Variants in ZNF561 observed in about 807,000 individuals in gnomAD.
ZNF561 encodes the protein zinc finger protein 561.
Under a neutral mutation model 16.7 loss-of-function variants are expected in ZNF561, and 16 were observed. The observed-to-expected ratio is 0.96, with a 90% CI of 0.65 to 1.45. ZNF561 has a LOEUF of 1.45. Ranked by LOEUF, ZNF561 falls within the 40% of genes most tolerant of loss-of-function variation. The pLI, the probability that ZNF561 is intolerant of heterozygous loss-of-function variation, is 0.00. For synonymous variants in ZNF561, 190 were observed against 192.1 expected (o/e 0.99, Z 0.09); for missense variants, 580 against 578.0 (o/e 1.00, Z -0.04).
At chr19:9,615,939 T>C (rs2144892410) in intron 4 of ZNF561, among the ~76,000 whole-genome samples, 1 of 152,100 alleles carries the variant, frequency 6.6e-6, no homozygotes, top group Admixed American at 6.5e-5. Flanking sequence ...ATGCTTGCTG[T>C]CATGGGTAAA....
rs935550015 is a variant in ZNF561 at position 9,609,618 on chromosome 19, T to C, written c.*582A>G. 6 of 152,762 alleles carry C rather than the reference T, an allele frequency of 3.9e-5. No homozygotes were observed. The highest frequency in any genetic ancestry group is 1.9e-4 in the East Asian group (1 of 5,184). 9.5% of individuals were successfully genotyped at this position (152,762 alleles called of 1,614,324 possible). A position where few individuals can be genotyped will look rare whatever the true frequency, so the allele number is the denominator to read the frequency against. ...AGACTGGATTATACTAGAAGAGACA[T>C]TGCCACTTACATTGTGCCATCTAAA... On this transcript the variant is annotated 3_prime_UTR_variant, in exon 6 of 6. Coordinates refer to ENST00000302851, the MANE Select transcript of ZNF561 (RefSeq NM_152289.3).
intron 3 of ZNF561, chr19:9,617,588 C>T: frequency 4.5e-6 from 2 of 444,262 alleles, no homozygotes; most frequent in Non-Finnish European, 9.1e-6. Context: ...ATTACTACAG[C>T]TTCGATCTCC....
rs373311970 is a variant in ZNF561 at position 9,611,207 on chromosome 19, C to T, written c.454G>A (p.Gly152Arg). 137 of 1,613,776 alleles carry T rather than the reference C, an allele frequency of 8.5e-5. No individual in the cohort carries two copies. Among genetic ancestry groups the T allele is most frequent in the Non-Finnish European group, 1.1e-4 (128 of 1,179,872 alleles). Reference sequence around the variant, plus strand: ...TTGTGCACACTGAGGGTGTCTTTTCCATAACAATTACCCTCAGAAGTATTC... The same window carrying T: ...TTGTGCACACTGAGGGTGTCTTTTCTATAACAATTACCCTCAGAAGTATTC... ...GGNTSEGNCY[G>R]KDTLSVHKEA... is the part of the protein sequence containing the mutation. The change falls in exon 6 of 6, where the codon GGA becomes AGA. Residue 152 changes from glycine to arginine, a missense_variant. Coordinates refer to ENST00000302851, the MANE Select transcript of ZNF561 (RefSeq NM_152289.3).
intron 5 of ZNF561, among the ~76,000 whole-genome samples, chr19:9,612,061 G>C (rs931411098): frequency 6.6e-6 from 1 of 152,122 alleles, no homozygotes; most frequent in Non-Finnish European, 1.5e-5. Context: ...CTGAGTAGCT[G>C]GGATTACAGG....
At chr19:9,613,960 G>C in intron 5 of ZNF561, 61 bp downstream of exon 5, 1 of 1,591,378 alleles carries the variant, frequency 6.3e-7, no homozygotes, top group Admixed American at 1.7e-5. Context: ...TGATTTTCTA[G>C]AATGGAATTC....
chr19:9,611,230 T>A lies in ZNF561; in HGVS notation c.431A>T (p.Asn144Ile). ...TCCATAACAATTACCCTCAGAAGTA[T>A]TCCCTCCATTCTGAACTCTCATGTG... is the stretch of plus-strand genomic sequence containing the variant. ...KTHMRVQNGG[N>I]TSEGNCYGKD... The change falls in exon 6 of 6, where the codon AAT becomes ATT. Residue 144 changes from asparagine to isoleucine, a missense_variant. By Grantham distance (149) the Asn-to-Ile change is moderately radical. Coordinates refer to ENST00000302851, the MANE Select transcript of ZNF561 (RefSeq NM_152289.3). 1.2e-6 allele frequency: 2 copies of A among 1,613,984 alleles called. No individual in the cohort carries two copies. The highest frequency in any genetic ancestry group is 1.7e-4 in the Middle Eastern group (1 of 6,060).
At position 9,609,641 on chromosome 19, in the gene ZNF561, A is replaced by C. The variant is rs1342165765; in HGVS notation, c.*559T>G. On this transcript the variant is annotated 3_prime_UTR_variant, in exon 6 of 6. Transcript: ENST00000302851. ...CATTGCCACTTACATTGTGCCATCT[A>C]AAATAGACATACAAGGCAGAACAGG... is the stretch of plus-strand genomic sequence containing the variant. 1.3e-5 allele frequency: 2 copies of C among 153,246 alleles called. No individual in the cohort carries two copies. Among genetic ancestry groups the C allele is most frequent in the East Asian group, 3.8e-4 (2 of 5,198 alleles). The allele number at this position is 153,246 out of a possible 1,614,324, so 9.5% of individuals were successfully genotyped here.
In ZNF561 at chr19:9,610,615, T is replaced by C. The variant is rs772609964; in HGVS notation, c.1046A>G (p.Tyr349Cys). The C allele has an allele frequency of 5.0e-6, 8 of 1,613,766 alleles. No homozygotes were observed. In the African/African-American group the frequency reaches 9.3e-5, roughly 19 times the overall value. The change falls in exon 6 of 6, where the codon TAC becomes TGC. Residue 349 changes from tyrosine to cysteine, a missense_variant. Coordinates refer to ENST00000302851, the MANE Select transcript of ZNF561 (RefSeq NM_152289.3). ...TCGTATGTGTATAGAAAGGCCCGAG[T>C]ACTGAGCAAAGGCTTGGCCACATTC... Reference protein sequence around the residue: ...CKECGQAFAQYSGLSIHIRSH... With the variant: ...CKECGQAFAQCSGLSIHIRSH...
rs1400753021 is a variant in ZNF561 at position 9,609,152 on chromosome 19, C to T, written c.*1048G>A. ...TTGCAGATAACAAGCCAGAGCCTGT[C>T]CCTTTCTTTCTTGTAAGGAATACTT... On this transcript the variant is annotated 3_prime_UTR_variant, in exon 6 of 6. Coordinates refer to ENST00000302851, the MANE Select transcript of ZNF561 (RefSeq NM_152289.3). The T allele has an allele frequency of 6.6e-6, 1 of 152,176 alleles. No individual in the cohort carries two copies. The highest frequency in any genetic ancestry group is 2.4e-5 in the African/African-American group (1 of 41,438). 9.4% of individuals were successfully genotyped at this position (152,176 alleles called of 1,614,324 possible).
chr19:9,612,783 T>G (rs1190056130), intron 5 of ZNF561, among the ~76,000 whole-genome samples: 1 of 152,130 alleles, frequency 6.6e-6, no homozygotes, highest in Non-Finnish European at 1.5e-5. Context: ...AAGAAAACTG[T>G]AGGGTTTTTT....
Position 9,614,095 on chromosome 19 carries a change from T to C in ZNF561, c.250A>G (p.Ile84Val), listed in dbSNP as rs368258660. ...GATGACCGTTTGGTTCTAGGTTGTATTTCCCATTCTAAAGTTAAGCAGAAA... is the reference window on the plus strand; with the variant it reads ...GATGACCGTTTGGTTCTAGGTTGTACTTCCCATTCTAAAGTTAAGCAGAAA... ...YMNLASVEWE[I>V]QPRTKRSSLQ... Residue 84 changes from isoleucine to valine, a missense_variant, in exon 5 of 6, where the codon ATA (isoleucine) becomes GTA (valine). By Grantham distance (29) the Ile-to-Val change is conservative. Transcript: ENST00000302851. 1.2e-6 allele frequency: 2 copies of C among 1,614,116 alleles called. No individual in the cohort carries two copies. The highest frequency in any genetic ancestry group is 1.7e-6 in the Non-Finnish European group (2 of 1,179,978).
intron 1 of ZNF561, among the ~76,000 whole-genome samples, chr19:9,619,843 CTATCTA>C (rs1427479535): frequency 1.3e-5 from 2 of 150,272 alleles, no homozygotes; most frequent in African/African-American, 5.0e-5. Flanking sequence ...TTACCTCTAT[CTATCTA>C]TATCTATCTA....
chr19:9,617,792 A>T (rs1031065545), intron 3 of ZNF561: 4 of 479,854 alleles, frequency 8.3e-6, no homozygotes, highest in Admixed American at 6.9e-5. Flanking sequence ...GATTTGATAA[A>T]AGGACACTTT....
rs1006380120 is a variant in ZNF561, at chr19:9,608,383, C to T, written c.*1817G>A. ...GGGCATTTACATACCAGGAAGAGAGCTCTCGCCAGAAGTTGACCATGCTGG... is the reference window on the plus strand; with the variant it reads ...GGGCATTTACATACCAGGAAGAGAGTTCTCGCCAGAAGTTGACCATGCTGG... On this transcript the variant is annotated 3_prime_UTR_variant, in exon 6 of 6. Coordinates refer to ENST00000302851, the MANE Select transcript of ZNF561 (RefSeq NM_152289.3). The T allele has an allele frequency of 6.6e-6, 1 of 152,068 alleles. No individual in the cohort carries two copies. The highest frequency in any genetic ancestry group is 2.4e-5 in the African/African-American group (1 of 41,400). 9.4% of individuals were successfully genotyped at this position (152,068 alleles called of 1,614,324 possible).
In ZNF561 at chr19:9,611,144, G is replaced by A; in HGVS notation, c.517C>T (p.Pro173Ser). 1.9e-6 allele frequency: 3 copies of A among 1,614,008 alleles called. No individual in the cohort carries two copies. The highest frequency in any genetic ancestry group is 1.1e-5 in the South Asian group (1 of 91,078). Reference protein sequence around the residue: ...STGQELSKFNPCGKVFTLTPG... With the variant: ...STGQELSKFNSCGKVFTLTPG... Reference sequence around the variant, plus strand: ...GTTAGAGTAAAGACTTTTCCACATGGATTAAATTTGGAAAGTTCCTGTCCA... The same window carrying A: ...GTTAGAGTAAAGACTTTTCCACATGAATTAAATTTGGAAAGTTCCTGTCCA... The change falls in exon 6 of 6, where the codon CCA becomes TCA. Residue 173 changes from proline to serine, a missense_variant. By Grantham distance (74) the Pro-to-Ser change is moderately conservative (BLOSUM62 -1). Transcript: ENST00000302851.
rs2074484420 is a variant in ZNF561 at position 9,612,772 on chromosome 19, A to ATTGTTC, written c.324+1248_324+1249insGAACAA. ...CGCCACTGGCTCTAATTGTTCAAAA[A>ATTGTTC]AAGAAAACTGTAGGGTTTTTTTATT... On this transcript the variant is annotated intron_variant, in intron 5 of 5. Coordinates refer to ENST00000302851, the MANE Select transcript of ZNF561 (RefSeq NM_152289.3). Among the ~76,000 whole-genome samples the ATTGTTC allele has an allele frequency of 2.0e-5, 3 of 152,350 alleles. No homozygotes were observed. In the South Asian group the frequency reaches 6.2e-4, roughly 32 times the overall value.
In ZNF561 at chr19:9,610,240, T is replaced by C. The variant is rs1022377641; in HGVS notation, c.1421A>G (p.Glu474Gly). 1.9e-6 allele frequency: 3 copies of C among 1,611,034 alleles called. No individual in the cohort carries two copies. ...CATATCCTTGCATTCATAGGGTTTC[T>C]CCCCAGTGTGAATTCTTTCATGTCT... ...LSRHERIHTG[E>G]KPYECKDMSV... is the part of the protein sequence containing the mutation. Residue 474 changes from glutamate to glycine, a missense_variant, in exon 6 of 6, where the codon GAG becomes GGG. Coordinates refer to ENST00000302851, the MANE Select transcript of ZNF561 (RefSeq NM_152289.3).
chr19:9,612,226 C>A (rs911281882), intron 5 of ZNF561, among the ~76,000 whole-genome samples: 1 of 151,828 alleles, frequency 6.6e-6, no homozygotes, highest in African/African-American at 2.4e-5. Flanking sequence ...CCATGCCCCA[C>A]CTCAGTTTAT....
chr19:9,620,001 T>C (rs561966040), intron 1 of ZNF561, among the ~76,000 whole-genome samples: 6 of 151,962 alleles, frequency 3.9e-5, no homozygotes, highest in African/African-American at 1.4e-4. Flanking sequence ...CTAACACAAC[T>C]CTCTGTAGCC....
Sources: allele counts gnomAD v4.1 joint callset (sites outside exome capture counted in the v4.1 genomes callset), GRCh38; gene constraint gnomAD v4.1.1; transcripts MANE v1.5; gene names NCBI Gene and HGNC (gene_info 2026-07-23, HGNC 2026-07-21).